AFG1L: variants seen among roughly 807,000 people sequenced by gnomAD.
The protein encoded by AFG1L is AFG1-like ATPase.
A neutral mutation model predicts 62.2 loss-of-function variants in AFG1L; 53 were observed. The ratio of observed to expected loss-of-function variants is 0.85; its 90% CI spans 0.68 to 1.07. AFG1L has a LOEUF of 1.07. Among genes scored for constraint, AFG1L ranks in the 50% least tolerant of loss-of-function variants. AFG1L has a pLI of 0.00. For synonymous variants in AFG1L, 228 were observed against 210.3 expected (o/e 1.08, Z -0.73); for missense variants, 555 against 590.5 (o/e 0.94, Z 0.62).
chr6:108,496,956 C>T (rs947202563), intron 10 of AFG1L, among the ~76,000 whole-genome samples: 1 of 152,096 alleles, frequency 6.6e-6, no homozygotes, highest in Admixed American at 6.5e-5. Context: ...TTGTTGGCAA[C>T]ATATTATTTT....
intron 8 of AFG1L, among the ~76,000 whole-genome samples, chr6:108,470,669 A>G (rs1772849083): frequency 6.6e-6 from 1 of 152,236 alleles, no homozygotes; most frequent in Non-Finnish European, 1.5e-5. Context: ...GATGCTAGGA[A>G]CAGTATTACA....
At chr6:108,453,400 T>G (rs571294359) in intron 8 of AFG1L, among the ~76,000 whole-genome samples, 194 of 152,348 alleles carry the variant, frequency 1.3e-3, no homozygotes, top group Middle Eastern at 3.4e-3. Flanking sequence ...CTCTTGGTTT[T>G]CCACTTGGGA....
At chr6:108,314,984 ATG>A (rs1777537811) in intron 1 of AFG1L, among the ~76,000 whole-genome samples, 3 of 152,078 alleles carry the variant, frequency 2.0e-5, no homozygotes, top group African/African-American at 7.2e-5. Flanking sequence ...GGTTACAGGC[ATG>A]CACTAGCATG....
intron 7 of AFG1L, among the ~76,000 whole-genome samples, chr6:108,441,993 T>C (rs1771573630): frequency 6.6e-6 from 1 of 152,068 alleles, no homozygotes; most frequent in Non-Finnish European, 1.5e-5. Flanking sequence ...TACTGAGTCA[T>C]ATAAGATAAA....
intron 11 of AFG1L, among the ~76,000 whole-genome samples, chr6:108,516,431 G>C (rs1377382574): frequency 6.6e-6 from 1 of 152,052 alleles, no homozygotes; most frequent in East Asian, 1.9e-4. Flanking sequence ...TGCAGAAAAG[G>C]CCTTTGACAA....
chr6:108,411,242 T>C (rs1782095629), intron 7 of AFG1L, among the ~76,000 whole-genome samples: 1 of 152,030 alleles, frequency 6.6e-6, no homozygotes, highest in Admixed American at 6.5e-5. Flanking sequence ...GAGGCTTGAG[T>C]AGGTAAACAA....
chr6:108,355,877 G>T, intron 4 of AFG1L, 122 bp downstream of exon 4: 1 of 711,272 alleles, frequency 1.4e-6, no homozygotes, highest in East Asian at 2.8e-5. Context: ...GATTTTATTT[G>T]GTTCCATTTG....
chr6:108,403,348 A>G (rs964513524), intron 7 of AFG1L, among the ~76,000 whole-genome samples: 4 of 152,184 alleles, frequency 2.6e-5, no homozygotes, highest in African/African-American at 7.2e-5. Flanking sequence ...CAGACATGCT[A>G]AAGACATAAT....
intron 8 of AFG1L, among the ~76,000 whole-genome samples, chr6:108,449,147 CA>C (rs1199841068): frequency 0.011 from 1,128 of 100,320 alleles, 20 homozygotes; most frequent in African/African-American, 0.05. Flanking sequence ...GACCCTGTTT[CA>C]AAAAAAAAAA....
rs79735426 is a variant in AFG1L at position 108,367,483 on chromosome 6, A to G, written c.748+1151A>G. On this transcript the variant is annotated intron_variant, in intron 6 of 12. Transcript: ENST00000368977. ...GGTTCTGGATGTACTATATAGGCAG[A>G]GTCAGCAGGATTTACTGATGGAATG... Among the ~76,000 whole-genome samples, 168 of 152,306 alleles carry G rather than the reference A, an allele frequency of 1.1e-3. 3 individuals are homozygous for G. The East Asian group carries it at 0.026, about 23-fold the overall frequency.
chr6:108,459,641 T>G (rs1396613348), intron 8 of AFG1L, among the ~76,000 whole-genome samples: 1 of 152,192 alleles, frequency 6.6e-6, no homozygotes, highest in African/African-American at 2.4e-5. Context: ...AACATAATAG[T>G]TGATGAGGGG....
intron 7 of AFG1L, among the ~76,000 whole-genome samples, chr6:108,430,642 T>C (rs1408949597): frequency 2.0e-5 from 3 of 152,226 alleles, no homozygotes; most frequent in Non-Finnish European, 4.4e-5. Context: ...AGCCTGTCTT[T>C]AAAGAATCTT....
chr6:108,466,589 A>G (rs1772672866), intron 8 of AFG1L, among the ~76,000 whole-genome samples: 1 of 152,072 alleles, frequency 6.6e-6, no homozygotes, highest in Non-Finnish European at 1.5e-5. Context: ...GCGTGCACAC[A>G]GAGGAAAGAA....
At chr6:108,377,592 A>G (rs1053351908) in intron 6 of AFG1L, among the ~76,000 whole-genome samples, 4 of 152,066 alleles carry the variant, frequency 2.6e-5, no homozygotes, top group Non-Finnish European at 4.4e-5. Context: ...CTGGTTTGCA[A>G]GGTTTCTGCT....
At chr6:108,480,639 A>G (rs1773290696) in intron 10 of AFG1L, among the ~76,000 whole-genome samples, 1 of 152,116 alleles carries the variant, frequency 6.6e-6, no homozygotes, top group Non-Finnish European at 1.5e-5. Flanking sequence ...CTCTACTAAA[A>G]ATATAGAAAT....
intron 3 of AFG1L, among the ~76,000 whole-genome samples, chr6:108,352,666 G>A (rs1037264375): frequency 3.3e-5 from 5 of 152,252 alleles, no homozygotes; most frequent in Admixed American, 2.6e-4. Flanking sequence ...CTGGGCTTAA[G>A]CGATCCTCCT....
chr6:108,403,397 T>G (rs1582528364), intron 7 of AFG1L, among the ~76,000 whole-genome samples: 2 of 152,206 alleles, frequency 1.3e-5, no homozygotes, highest in African/African-American at 4.8e-5. Flanking sequence ...TTGGAATTAC[T>G]GTTCGTGCCA....
chr6:108,444,456 A>G (rs771893669), intron 7 of AFG1L, among the ~76,000 whole-genome samples: 6 of 152,176 alleles, frequency 3.9e-5, no homozygotes, highest in East Asian at 1.9e-4. Context: ...GAAGGTTGCT[A>G]TATAGATTGA....
At chr6:108,347,135 C>A in intron 3 of AFG1L, 96 bp downstream of exon 3, 1 of 1,054,698 alleles carries the variant, frequency 9.5e-7, no homozygotes, top group Non-Finnish European at 1.5e-6. Context: ...AATCTGTTAC[C>A]AGCAAGGGAA....
Sources: gnomAD v4.1 joint callset for allele counts (sites outside exome capture counted in the v4.1 genomes callset) on GRCh38, gnomAD v4.1.1 for gene constraint, MANE v1.5 for transcripts, NCBI Gene and HGNC (gene_info 2026-07-23, HGNC 2026-07-21) for gene names.